The following SOX5 variants were observed in gnomAD, a reference collection of about 807,000 sequenced individuals.
The protein encoded by SOX5 is SRY-box transcription factor 5.
A neutral mutation model predicts 92.0 loss-of-function variants in SOX5; 9 were observed. The observed-to-expected ratio is 0.10, with a 90% CI of 0.06 to 0.17. The LOEUF is 0.17. Among genes scored for constraint, SOX5 ranks in the 10% least tolerant of loss-of-function variants. SOX5 has a pLI of 1.00. For missense variants in SOX5, 642 were observed against 944.5 expected, an observed-to-expected ratio of 0.68 and a Z score of 4.20; for synonymous variants, 344 against 336.3, an observed-to-expected ratio of 1.02 and a Z score of -0.25.
intron 1 of SOX5, among the ~76,000 whole-genome samples, chr12:24,467,131 A>T (rs537555523): frequency 6.6e-6 from 1 of 152,224 alleles, no homozygotes; most frequent in African/African-American, 2.4e-5. Context: ...TTAAGGTCTG[A>T]CAGTAAATCA....
In SOX5 at chr12:23,940,745, TACACACACAC is replaced by T. The variant is rs36124621; in HGVS notation, c.38+8809_38+8818del. Among the ~76,000 whole-genome samples, 65 of 139,760 alleles carry T rather than the reference TACACACACAC, an allele frequency of 4.7e-4. 1 individual carries two copies. The highest frequency in any genetic ancestry group is 2.3e-3 in the South Asian group (10 of 4,348). The allele number at this position is 139,760 out of a possible 152,430, so 91.7% of individuals were successfully genotyped here. On this transcript the variant is annotated intron_variant, in intron 1 of 14. Coordinates refer to ENST00000451604, the MANE Select transcript of SOX5 (RefSeq NM_006940.6). The stretch of plus-strand genomic sequence containing the variant: ...TTTTATTTACAGAGGAGATAAGTAT[TACACACACAC>T]ACACACACACACACACACACACACA...
intron 4 of SOX5, among the ~76,000 whole-genome samples, chr12:24,140,732 AC>A (rs1194463980): frequency 1.8e-4 from 28 of 152,276 alleles, no homozygotes; most frequent in Non-Finnish European, 2.9e-5. Flanking sequence ...TTACTCCTAA[AC>A]GGTCTATAAT....
intron 6 of SOX5, among the ~76,000 whole-genome samples, chr12:23,713,647 C>CTG (rs138042111): frequency 0.093 from 13,596 of 146,912 alleles, 927 homozygotes; most frequent in African/African-American, 0.19. Context: ...TCCAGTGTCT[C>CTG]TGTGTGTGTG....
intron 4 of SOX5, among the ~76,000 whole-genome samples, chr12:24,098,259 C>T (rs900059605): frequency 7.2e-5 from 11 of 152,134 alleles, no homozygotes; most frequent in South Asian, 2.1e-4. Context: ...GGTCTATAAA[C>T]AACCTTTAAT....
At position 23,882,306 on chromosome 12, in the gene SOX5, T is replaced by C. The variant is rs373441686; in HGVS notation, c.270+13487A>G. Among the ~76,000 whole-genome samples the C allele has an allele frequency of 7.1e-4, 108 of 151,886 alleles. 1 individual carries two copies. The highest frequency in any genetic ancestry group is 3.4e-3 in the Middle Eastern group (1 of 294). On this transcript the variant is annotated intron_variant, in intron 2 of 14. Transcript: ENST00000451604. ...GAAGGACTGAATCTTTCACAGTACC[T>C]CTAAAATCCCTGAATGAAAAGGAAT...
chr12:24,522,587 G>A (rs1432471089), intron 1 of SOX5, among the ~76,000 whole-genome samples: 4 of 152,050 alleles, frequency 2.6e-5, no homozygotes, highest in Non-Finnish European at 5.9e-5. Context: ...TGACCAAGTG[G>A]CATTTATCCC....
At chr12:23,723,722 T>C (rs2092957945) in intron 6 of SOX5, among the ~76,000 whole-genome samples, 1 of 151,798 alleles carries the variant, frequency 6.6e-6, no homozygotes, top group African/African-American at 2.4e-5. Flanking sequence ...TGAATACACA[T>C]ACAATTCATA....
chr12:23,551,710 G>T (rs1944253983), intron 11 of SOX5, among the ~76,000 whole-genome samples: 1 of 151,628 alleles, frequency 6.6e-6, no homozygotes, highest in Non-Finnish European at 1.5e-5. Flanking sequence ...AGTGAGATAT[G>T]AACTCAGGGG....
chr12:24,560,465 A>G (rs149469837), intron 1 of SOX5, among the ~76,000 whole-genome samples: 2 of 152,366 alleles, frequency 1.3e-5, no homozygotes, highest in Non-Finnish European at 2.9e-5. Flanking sequence ...AGTGCCTAAA[A>G]GAACTTCCAC....
At chr12:24,254,663 G>C (rs1940821305) in intron 3 of SOX5, among the ~76,000 whole-genome samples, 1 of 151,320 alleles carries the variant, frequency 6.6e-6, no homozygotes, top group African/African-American at 2.4e-5. Context: ...AAAATTTTAA[G>C]TTGAACTATT....
At chr12:24,226,119 CTCAGA>C (rs1354460860) in intron 3 of SOX5, among the ~76,000 whole-genome samples, 1 of 152,126 alleles carries the variant, frequency 6.6e-6, no homozygotes, top group Admixed American at 6.5e-5. Flanking sequence ...TATCTAACAT[CTCAGA>C]TATGTTCTCA....
At position 23,554,982 on chromosome 12, in the gene SOX5, C is replaced by T. The variant is rs182453165; in HGVS notation, c.1488+8276G>A. Among the ~76,000 whole-genome samples, 47 of 152,190 alleles carry T rather than the reference C, an allele frequency of 3.1e-4. No homozygotes were observed. In the East Asian group the frequency reaches 8.1e-3, roughly 26 times the overall value. ...AAAGAATCAAGGGGGAAAAGAAAGA[C>T]CACTCTTTGATAGGCTAGGCTTTTA... On this transcript the variant is annotated intron_variant, in intron 11 of 14. Coordinates refer to ENST00000451604, the MANE Select transcript of SOX5 (RefSeq NM_006940.6).
chr12:24,283,805 C>T (rs948609609), intron 2 of SOX5, among the ~76,000 whole-genome samples: 3 of 152,048 alleles, frequency 2.0e-5, no homozygotes, highest in South Asian at 2.1e-4. Context: ...CAATATGTGC[C>T]GAAAGCCATT....
chr12:23,905,315 T>A (rs1279007153), intron 1 of SOX5, among the ~76,000 whole-genome samples: 1 of 152,202 alleles, frequency 6.6e-6, no homozygotes, highest in African/African-American at 2.4e-5. Context: ...CTTTGCTACC[T>A]TGTTTTCTTA....
At chr12:24,142,667 C>T (rs1375982569) in intron 4 of SOX5, among the ~76,000 whole-genome samples, 2 of 151,824 alleles carry the variant, frequency 1.3e-5, no homozygotes, top group African/African-American at 2.4e-5. Context: ...CAACAGAGAA[C>T]ACTTATCCCC....
chr12:23,816,207 C>CT (rs11347313), intron 3 of SOX5, among the ~76,000 whole-genome samples: 3,182 of 129,592 alleles, frequency 0.025, 89 homozygotes, highest in South Asian at 0.096. Flanking sequence ...GACAAGATTT[C>CT]TTTTTTTTTT....
intron 11 of SOX5, among the ~76,000 whole-genome samples, chr12:23,558,913 A>G (rs888736542): frequency 1.3e-5 from 2 of 152,148 alleles, no homozygotes; most frequent in African/African-American, 4.8e-5. Flanking sequence ...ATGAATCACT[A>G]TCTAAGCTAC....
At chr12:24,410,424 A>G (rs1020949815) in intron 1 of SOX5, among the ~76,000 whole-genome samples, 3 of 152,222 alleles carry the variant, frequency 2.0e-5, no homozygotes, top group Non-Finnish European at 4.4e-5. Context: ...CCCTAGAAGT[A>G]GTATAGTTTT....
chr12:23,843,167 G>A (rs2096537631), intron 3 of SOX5, among the ~76,000 whole-genome samples: 1 of 151,876 alleles, frequency 6.6e-6, no homozygotes, highest in Admixed American at 6.6e-5. Context: ...AAACTCTGAA[G>A]GTCATGAAAA....
Sources: allele counts gnomAD v4.1 joint callset (sites outside exome capture counted in the v4.1 genomes callset), GRCh38; gene constraint gnomAD v4.1.1; transcripts MANE v1.5; gene names NCBI Gene and HGNC (gene_info 2026-07-23, HGNC 2026-07-21).